NCAM1: variants seen among roughly 807,000 people sequenced by gnomAD.
The protein encoded by NCAM1 is antigen recognized by monoclonal antibody 5.1H11.
A neutral mutation model predicts 109.8 loss-of-function variants in NCAM1; 14 were observed. That is an observed-to-expected ratio of 0.13 (90% CI 0.08 to 0.20). NCAM1 has a LOEUF of 0.20. NCAM1 is among the 10% of genes least tolerant of loss of function. The pLI is 1.00. For missense variants in NCAM1, 774 were observed against 1,109.9 expected (o/e 0.70, Z 4.30); for synonymous variants, 418 against 442.9 (o/e 0.94, Z 0.70).
chr11:113,007,784 A>G (rs1241794648), intron 1 of NCAM1, among the ~76,000 whole-genome samples: 1 of 152,232 alleles, frequency 6.6e-6, no homozygotes, highest in African/African-American at 2.4e-5. Context: ...GTGTTCTTCA[A>G]GGCTTAGAGA....
At chr11:113,267,368 ATAG>A (rs1302851667) in intron 17 of NCAM1, among the ~76,000 whole-genome samples, 20 of 151,934 alleles carry the variant, frequency 1.3e-4, no homozygotes, top group Non-Finnish European at 2.4e-4. Context: ...AAAGTGGCAG[ATAG>A]TAGTTAGAAG....
At chr11:113,059,293 G>T (rs1042602724) in intron 1 of NCAM1, among the ~76,000 whole-genome samples, 48 of 152,320 alleles carry the variant, frequency 3.2e-4, no homozygotes, top group African/African-American at 1.1e-3. Flanking sequence ...ATGGGACAGT[G>T]TTACTATTAT....
In NCAM1 at chr11:113,117,563, T is replaced by C. The variant is rs972340695; in HGVS notation, c.53-84816T>C. Reference sequence around the variant, plus strand: ...ATGACTACAAAAATTTTGGTGACCATCCAGAAATGTCTTTGGATTGTAGAC... The same window carrying C: ...ATGACTACAAAAATTTTGGTGACCACCCAGAAATGTCTTTGGATTGTAGAC... On this transcript the variant is annotated intron_variant, in intron 1 of 19. Transcript: ENST00000316851. Among the ~76,000 whole-genome samples, 4 of 151,974 alleles carry C rather than the reference T, an allele frequency of 2.6e-5. No individual in the cohort carries two copies. The South Asian group carries it at 8.3e-4, about 31-fold the overall frequency.
chr11:113,175,466 G>A (rs1943117860), intron 1 of NCAM1, among the ~76,000 whole-genome samples: 1 of 152,206 alleles, frequency 6.6e-6, no homozygotes, highest in African/African-American at 2.4e-5. Context: ...TTTGTAGAAA[G>A]CCCTCTTAGT....
chr11:113,270,443 C>G (rs1555125089), intron 18 of NCAM1, 48 bp downstream of exon 18: 9 of 1,563,842 alleles, frequency 5.8e-6, no homozygotes, highest in Non-Finnish European at 7.9e-6. Flanking sequence ...TCTGCTCCAG[C>G]CCAGGGACCC....
At chr11:113,239,047 T>A (rs1945252789) in intron 14 of NCAM1, among the ~76,000 whole-genome samples, 1 of 152,202 alleles carries the variant, frequency 6.6e-6, no homozygotes, top group African/African-American at 2.4e-5. Flanking sequence ...CATGGATATA[T>A]CAGAGCAGGG....
At chr11:113,264,386 T>A in intron 17 of NCAM1, 3 of 985,400 alleles carry the variant, frequency 3.0e-6, no homozygotes, top group Non-Finnish European at 3.6e-6. Flanking sequence ...GAGGCTCACG[T>A]GCAGACATCA....
intron 7 of NCAM1, among the ~76,000 whole-genome samples, chr11:113,209,231 A>T (rs1352909631): frequency 1.3e-5 from 2 of 152,228 alleles, no homozygotes; most frequent in Non-Finnish European, 2.9e-5. Flanking sequence ...GGACCTGCTT[A>T]TCCAGCCTGA....
rs572298214 is a variant in NCAM1, at chr11:113,044,878, C to T, written c.52+83214C>T. Among the ~76,000 whole-genome samples, 668 of 152,028 alleles carry T rather than the reference C, an allele frequency of 4.4e-3. 7 individuals carry two copies. Among genetic ancestry groups the T allele is most frequent in the African/African-American group, 0.015 (624 of 41,522 alleles). Reference sequence around the variant, plus strand: ...ACGCCATTCTCCTGCCTCAGCCTCCCGAGTAGCTGGGACTACAGGCACCCG... The same window carrying T: ...ACGCCATTCTCCTGCCTCAGCCTCCTGAGTAGCTGGGACTACAGGCACCCG... On this transcript the variant is annotated intron_variant, in intron 1 of 19. Coordinates refer to ENST00000316851, the MANE Select transcript of NCAM1 (RefSeq NM_181351.5).
At chr11:113,088,413 A>G (rs1939184945) in intron 1 of NCAM1, among the ~76,000 whole-genome samples, 1 of 152,206 alleles carries the variant, frequency 6.6e-6, no homozygotes, top group Admixed American at 6.5e-5. Flanking sequence ...AGAAACAATC[A>G]TTTACCCAGT....
chr11:113,015,454 G>A (rs1555075125), intron 1 of NCAM1, among the ~76,000 whole-genome samples: 2 of 152,194 alleles, frequency 1.3e-5, no homozygotes, highest in Non-Finnish European at 2.9e-5. Context: ...AGATGGTTTA[G>A]GTCAGGTGTG....
chr11:113,247,233 AT>A (rs1555120415), intron 15 of NCAM1, among the ~76,000 whole-genome samples: 1 of 152,150 alleles, frequency 6.6e-6, no homozygotes, highest in Non-Finnish European at 1.5e-5. Flanking sequence ...TCAAACACCT[AT>A]TCAGAACCTG....
intron 1 of NCAM1, among the ~76,000 whole-genome samples, chr11:113,029,370 A>T (rs1457683767): frequency 6.6e-6 from 1 of 152,210 alleles, no homozygotes; most frequent in African/African-American, 2.4e-5. Context: ...GCTCTATGTT[A>T]AAAAACAGTG....
chr11:113,272,843 T>C lies in NCAM1; in HGVS notation c.2456+967T>C, dbSNP rs1281341397. Reference sequence around the variant, plus strand: ...TAACTGCATGCCCCCACCCCCATGGTCCCTGTCCTGGGCTTCAGCCCTCCT... The same window carrying C: ...TAACTGCATGCCCCCACCCCCATGGCCCCTGTCCTGGGCTTCAGCCCTCCT... On this transcript the variant is annotated intron_variant, in intron 19 of 19. Transcript: ENST00000316851. 4 of 443,296 alleles carry C rather than the reference T, an allele frequency of 9.0e-6. No homozygotes were observed. The Admixed American group carries it at 9.5e-5, about 11-fold the overall frequency. 27.5% of individuals were successfully genotyped at this position (443,296 alleles called of 1,614,324 possible). A position where few individuals can be genotyped will look rare whatever the true frequency, so the allele number is the denominator to read the frequency against.
chr11:113,156,907 G>C (rs1942426258), intron 1 of NCAM1, among the ~76,000 whole-genome samples: 1 of 152,098 alleles, frequency 6.6e-6, no homozygotes, highest in African/African-American at 2.4e-5. Context: ...AAGGCTTGGA[G>C]TAGATGCTTT....
At chr11:113,124,154 C>T (rs1941082531) in intron 1 of NCAM1, among the ~76,000 whole-genome samples, 1 of 152,204 alleles carries the variant, frequency 6.6e-6, no homozygotes. Flanking sequence ...TGTAGCTACT[C>T]TCACTAGGCA....
chr11:113,016,785 C>G (rs1303479722), intron 1 of NCAM1, among the ~76,000 whole-genome samples: 1 of 152,112 alleles, frequency 6.6e-6, no homozygotes, highest in Non-Finnish European at 1.5e-5. Context: ...CTCTCACAGT[C>G]AGGGCAGGTG....
chr11:113,003,212 GTCTC>G (rs1293665955), intron 1 of NCAM1, among the ~76,000 whole-genome samples: 4 of 152,188 alleles, frequency 2.6e-5, no homozygotes, highest in African/African-American at 9.7e-5. Flanking sequence ...CTCTTTATGT[GTCTC>G]TCTCTCACTC....
Position 113,054,091 on chromosome 11 carries a change from A to T in NCAM1, c.52+92427A>T, listed in dbSNP as rs1555082202. On this transcript the variant is annotated intron_variant, in intron 1 of 19. Coordinates refer to ENST00000316851, the MANE Select transcript of NCAM1 (RefSeq NM_181351.5). The stretch of plus-strand genomic sequence containing the variant: ...GAAGGACCCCAAGTATCTCATGTCC[A>T]AAGATATTTGACAGATCCCCCAACC... Among the ~76,000 whole-genome samples, 4 of 152,154 alleles carry T rather than the reference A, an allele frequency of 2.6e-5. No individual in the cohort carries two copies. In the East Asian group the frequency reaches 7.7e-4, roughly 29 times the overall value.
Sources: gnomAD v4.1 joint callset for allele counts (sites outside exome capture counted in the v4.1 genomes callset) on GRCh38, gnomAD v4.1.1 for gene constraint, MANE v1.5 for transcripts, NCBI Gene and HGNC (gene_info 2026-07-23, HGNC 2026-07-21) for gene names.